The following ADAMTS14 variants were observed in gnomAD, a reference collection of about 807,000 sequenced individuals.
ADAMTS14 encodes the protein ADAM metallopeptidase with thrombospondin type 1 motif 14.
In ADAMTS14, 100 loss-of-function variants were observed where a neutral mutation model predicts 128.6. The observed-to-expected ratio is 0.78, with a 90% CI of 0.66 to 0.92. The LOEUF (loss-of-function observed/expected upper bound fraction) is 0.92. Ranked by LOEUF, ADAMTS14 falls within the 40% of genes least tolerant of loss-of-function variation. The pLI, the probability that ADAMTS14 is intolerant of heterozygous loss-of-function variation, is 0.00. For missense variants in ADAMTS14, 1,562 were observed against 1,658.6 expected (o/e 0.94, Z 1.01); for synonymous variants, 665 against 653.8 (o/e 1.02, Z -0.26).
intron 2 of ADAMTS14, among the ~76,000 whole-genome samples, chr10:70,677,218 C>G (rs1385754678): frequency 2.6e-5 from 4 of 152,110 alleles, no homozygotes; most frequent in Non-Finnish European, 5.9e-5. Context: ...TATATGGTGA[C>G]AAGTCTTCAT....
chr10:70,745,471 T>G, intron 15 of ADAMTS14, 165 bp downstream of exon 15: 7 of 746,348 alleles, frequency 9.4e-6, no homozygotes, highest in Admixed American at 2.1e-5. Flanking sequence ...TTATGCTGCA[T>G]GGGTAACCCA....
chr10:70,708,628 G>A lies in ADAMTS14; in HGVS notation c.720G>A (p.Val240=), dbSNP rs375344114. 5.6e-6 allele frequency: 9 copies of A among 1,611,616 alleles called. No homozygotes were observed. The highest frequency in any genetic ancestry group is 2.2e-5 in the East Asian group (1 of 44,802). ...ACCTTCCCAACCTGCTGGGCCTGGTGGGGGACCAGCTGGGCGACACAGAGC... is the reference window on the plus strand; with the variant it reads ...ACCTTCCCAACCTGCTGGGCCTGGTAGGGGACCAGCTGGGCGACACAGAGC... The part of the protein sequence containing the change: ...LGDLPNLLGL[V]GDQLGDTERK... The change falls in exon 4 of 22, where the codon GTG becomes GTA. Residue 240 remains valine, a synonymous_variant. Transcript: ENST00000373207.
intron 2 of ADAMTS14, among the ~76,000 whole-genome samples, chr10:70,678,113 T>A (rs1296825236): frequency 6.6e-6 from 1 of 152,220 alleles, no homozygotes. Flanking sequence ...GTGTATGTGC[T>A]TTTATTAACT....
At position 70,689,158 on chromosome 10, in the gene ADAMTS14, G is replaced by A. The variant is rs557051396; in HGVS notation, c.523-13154G>A. ...TCACTTCAAAATTCATAGTCCCCGC[G>A]TAGGGAGATGCTAGGTAAAATATGC... is the stretch of plus-strand genomic sequence containing the variant. On this transcript the variant is annotated intron_variant, in intron 2 of 21. Coordinates refer to ENST00000373207, the MANE Select transcript of ADAMTS14 (RefSeq NM_080722.4). Among the ~76,000 whole-genome samples, 15 of 143,274 alleles carry A rather than the reference G, an allele frequency of 1.0e-4. 1 individual carries two copies. The highest frequency in any genetic ancestry group is 1.4e-4 in the Admixed American group (2 of 14,422). 94.0% of individuals were successfully genotyped at this position (143,274 alleles called of 152,430 possible).
In ADAMTS14 at chr10:70,736,660, C is replaced by T; in HGVS notation, c.1486-20C>T. 1 of 1,609,898 alleles carries T rather than the reference C, an allele frequency of 6.2e-7. No homozygotes were observed. Among genetic ancestry groups the T allele is most frequent in the Non-Finnish European group, 8.5e-7 (1 of 1,177,110 alleles). On this transcript the variant is annotated intron_variant, in intron 9 of 21. Coordinates refer to ENST00000373207, the MANE Select transcript of ADAMTS14 (RefSeq NM_080722.4). ...CAAAGAGCCAGTCCAGTCTGGTGAC[C>T]CCATTCCCTTGCCATGCAGTTCAGG...
intron 4 of ADAMTS14, among the ~76,000 whole-genome samples, chr10:70,724,697 G>C (rs1180459188): frequency 6.6e-6 from 1 of 152,218 alleles, no homozygotes; most frequent in African/African-American, 2.4e-5. Flanking sequence ...CTCAAGGGCT[G>C]GGGATGGCAG....
At chr10:70,743,197 T>G (rs1842060224) in intron 12 of ADAMTS14, among the ~76,000 whole-genome samples, 6 of 152,230 alleles carry the variant, frequency 3.9e-5, no homozygotes, top group Admixed American at 3.9e-4. Flanking sequence ...AAAGCTGTAT[T>G]TTAAGGGCAT....
In ADAMTS14 at chr10:70,753,873, T is replaced by C. The variant is rs1589342651; in HGVS notation, c.2803T>C (p.Cys935Arg). ...GGGGGTGCAGACACGGGGGATACAGTGCCTGCTGCCCCTCTCCAATGGAAC... is the reference window on the plus strand; with the variant it reads ...GGGGGTGCAGACACGGGGGATACAGCGCCTGCTGCCCCTCTCCAATGGAAC... Reference protein sequence around the residue: ...KLGVQTRGIQCLLPLSNGTHK... With the variant: ...KLGVQTRGIQRLLPLSNGTHK... The change falls in exon 19 of 22, where the codon TGC (cysteine) becomes CGC (arginine). Residue 935 changes from cysteine (C) to arginine (R), a missense_variant. Coordinates refer to ENST00000373207, the MANE Select transcript of ADAMTS14 (RefSeq NM_080722.4). 1.0e-5 allele frequency: 16 copies of C among 1,593,214 alleles called. No individual in the cohort carries two copies. The highest frequency in any genetic ancestry group is 1.4e-5 in the Non-Finnish European group (16 of 1,171,098).
rs546082626 is a variant in ADAMTS14, at chr10:70,707,911, G to A, written c.680-677G>A. On this transcript the variant is annotated intron_variant, in intron 3 of 21. Transcript: ENST00000373207. The stretch of plus-strand genomic sequence containing the variant: ...GATTTTGTGCTTCGGTGGCAGAATC[G>A]AATGGTTGTGACCGAGAATGAATGA... 9.7e-4 allele frequency among the ~76,000 whole-genome samples: 148 copies of A among 152,340 alleles called. 1 individual carries two copies. The highest frequency in any genetic ancestry group is 3.3e-3 in the African/African-American group (137 of 41,574).
At chr10:70,711,743 G>C (rs1005172440) in intron 4 of ADAMTS14, among the ~76,000 whole-genome samples, 1 of 152,062 alleles carries the variant, frequency 6.6e-6, no homozygotes, top group African/African-American at 2.4e-5. Flanking sequence ...AGCACACACA[G>C]CACAGGGTCT....
rs1353555463 is a variant in ADAMTS14, at chr10:70,753,949, G to C, written c.2879G>C (p.Arg960Pro). ...TGCGCCGGGGACCGGCCTGAGGCCC[G>C]ACGGCCCTGTCTCCGAGTGCCCTGC... ...KACAGDRPEA[R>P]RPCLRVPCPA... is the part of the protein sequence containing the mutation. The change falls in exon 19 of 22, where the codon CGA becomes CCA. Residue 960 changes from arginine to proline, a missense_variant. Transcript: ENST00000373207. 7 of 1,585,090 alleles carry C rather than the reference G, an allele frequency of 4.4e-6. No individual in the cohort carries two copies. Among genetic ancestry groups the C allele is most frequent in the Non-Finnish European group, 8.6e-7 (1 of 1,166,604 alleles).
chr10:70,705,194 C>T (rs1414964155), intron 3 of ADAMTS14, among the ~76,000 whole-genome samples: 1 of 152,214 alleles, frequency 6.6e-6, no homozygotes, highest in Non-Finnish European at 1.5e-5. Context: ...CGGTGCTGGG[C>T]CACCAGGCTC....
chr10:70,758,439 A>C (rs1842532112), intron 21 of ADAMTS14, among the ~76,000 whole-genome samples, 154 bp downstream of exon 21: 1 of 152,148 alleles, frequency 6.6e-6, no homozygotes, highest in Non-Finnish European at 1.5e-5. Context: ...TGAAGTGGGG[A>C]GGAGGCTCTA....
At chr10:70,740,707 A>G (rs969110424) in intron 11 of ADAMTS14, among the ~76,000 whole-genome samples, 3 of 152,206 alleles carry the variant, frequency 2.0e-5, no homozygotes, top group African/African-American at 7.2e-5. Context: ...AGGGTTAGTC[A>G]GTCCCTGTGT....
At chr10:70,752,683 C>G (rs72814601) in intron 18 of ADAMTS14, among the ~76,000 whole-genome samples, 1 of 152,162 alleles carries the variant, frequency 6.6e-6, no homozygotes, top group Non-Finnish European at 1.5e-5. Flanking sequence ...AGACTGAGGC[C>G]GAGGGTGGCT....
intron 3 of ADAMTS14, among the ~76,000 whole-genome samples, chr10:70,705,880 C>T (rs1840649718): frequency 6.6e-6 from 1 of 152,254 alleles, no homozygotes; most frequent in South Asian, 2.1e-4. Context: ...TGAAATGCTG[C>T]TGTGAACATT....
rs754611798 is a variant in ADAMTS14, at chr10:70,744,169, G to C, written c.2162G>C (p.Gly721Ala). Residue 721 changes from glycine to alanine, a missense_variant, in exon 14 of 22, where the codon GGC becomes GCC. Transcript: ENST00000373207. ...TGCAGGACTGTGAAGGGGACGCTGGGCAAGGCCTCCAAGCAGGCAGGTGAG... is the reference window on the plus strand; with the variant it reads ...TGCAGGACTGTGAAGGGGACGCTGGCCAAGGCCTCCAAGCAGGCAGGTGAG... ...SHCRTVKGTL[G>A]KASKQAGALK... The C allele has an allele frequency of 6.5e-7, 1 of 1,538,992 alleles. No individual in the cohort carries two copies. The highest frequency in any genetic ancestry group is 1.4e-5 in the African/African-American group (1 of 73,008).
chr10:70,681,974 C>A (rs1564517649), intron 2 of ADAMTS14, among the ~76,000 whole-genome samples: 2 of 152,250 alleles, frequency 1.3e-5, no homozygotes, highest in South Asian at 4.1e-4. Context: ...CCCGCCCCTG[C>A]CCTGTCCAGG....
chr10:70,744,544 T>G (rs1471392929), intron 14 of ADAMTS14, among the ~76,000 whole-genome samples: 1 of 152,226 alleles, frequency 6.6e-6, no homozygotes, highest in Non-Finnish European at 1.5e-5. Context: ...ACTGATAATT[T>G]TCTTTTCCTC....
Sources: gnomAD v4.1 joint callset for allele counts (sites outside exome capture counted in the v4.1 genomes callset) on GRCh38, gnomAD v4.1.1 for gene constraint, MANE v1.5 for transcripts, NCBI Gene and HGNC (gene_info 2026-07-23, HGNC 2026-07-21) for gene names.